Variants in CNTNAP5 observed in about 807,000 individuals in gnomAD.
CNTNAP5 encodes contactin-associated protein-like 5.
A neutral mutation model predicts 150.2 loss-of-function variants in CNTNAP5; 72 were observed. The observed-to-expected ratio is 0.48, with a 90% CI of 0.40 to 0.58. CNTNAP5 has a LOEUF of 0.58. Ranked by LOEUF, CNTNAP5 falls within the 20% of genes least tolerant of loss-of-function variation. The pLI, the probability that CNTNAP5 is intolerant of heterozygous loss-of-function variation, is 0.00. For synonymous variants in CNTNAP5, 672 were observed against 619.8 expected (o/e 1.08, Z -1.25); for missense variants, 1,636 against 1,626.2 (o/e 1.01, Z -0.10).
chr2:124,161,914 G>T (rs1182905734), intron 1 of CNTNAP5, among the ~76,000 whole-genome samples: 1 of 152,172 alleles, frequency 6.6e-6, no homozygotes, highest in Non-Finnish European at 1.5e-5. Flanking sequence ...TAGGTTCAAT[G>T]ATATTTGAGA....
intron 3 of CNTNAP5, among the ~76,000 whole-genome samples, chr2:124,369,703 A>G (rs2104725127): frequency 6.6e-6 from 1 of 152,316 alleles, no homozygotes; most frequent in Non-Finnish European, 1.5e-5. Context: ...TACGGTGTTC[A>G]CTACATGAAA....
At chr2:124,280,960 C>G (rs1278508420) in intron 3 of CNTNAP5, among the ~76,000 whole-genome samples, 1 of 152,050 alleles carries the variant, frequency 6.6e-6, no homozygotes, top group Admixed American at 6.6e-5. Flanking sequence ...AATAGGATAC[C>G]AAGATATTTC....
chr2:124,714,577 T>G (rs2105109266), intron 13 of CNTNAP5, among the ~76,000 whole-genome samples: 1 of 152,224 alleles, frequency 6.6e-6, no homozygotes, highest in South Asian at 2.1e-4. Flanking sequence ...ATGGAAAGCC[T>G]TTGTCTGTTC....
At chr2:124,188,858 A>G (rs915940989) in intron 1 of CNTNAP5, among the ~76,000 whole-genome samples, 3 of 152,166 alleles carry the variant, frequency 2.0e-5, no homozygotes, top group Non-Finnish European at 2.9e-5. Context: ...TGACATTGTC[A>G]TGCTTCAGAC....
At chr2:124,208,964 C>T (rs1014091667) in intron 1 of CNTNAP5, among the ~76,000 whole-genome samples, 2 of 152,068 alleles carry the variant, frequency 1.3e-5, no homozygotes, top group African/African-American at 4.8e-5. Flanking sequence ...ATGACCTCCC[C>T]GTGGGAAACA....
intron 13 of CNTNAP5, among the ~76,000 whole-genome samples, chr2:124,657,831 T>C (rs756843445): frequency 6.6e-6 from 1 of 152,218 alleles, no homozygotes; most frequent in Non-Finnish European, 1.5e-5. Flanking sequence ...GCCTTGTTCC[T>C]CTCTCCATGC....
intron 19 of CNTNAP5, among the ~76,000 whole-genome samples, chr2:124,855,166 GC>G (rs1215442502): frequency 0.015 from 1,197 of 77,442 alleles, 37 homozygotes; most frequent in African/African-American, 0.049. Context: ...TTGGGCTTTT[GC>G]TTTTTTTTTT....
chr2:124,128,626 G>T (rs1396560182), intron 1 of CNTNAP5, among the ~76,000 whole-genome samples: 1 of 152,076 alleles, frequency 6.6e-6, no homozygotes, highest in African/African-American at 2.4e-5. Context: ...GTTTATTGCG[G>T]CACTATTCAC....
intron 19 of CNTNAP5, among the ~76,000 whole-genome samples, chr2:124,830,559 A>G (rs533281508): frequency 1.3e-4 from 20 of 152,184 alleles, no homozygotes; most frequent in African/African-American, 4.3e-4. Flanking sequence ...ACACTATATA[A>G]TAGAGGAATG....
At chr2:124,526,798 A>C (rs1030139937) in intron 9 of CNTNAP5, among the ~76,000 whole-genome samples, 2 of 152,190 alleles carry the variant, frequency 1.3e-5, no homozygotes, top group Non-Finnish European at 2.9e-5. Context: ...TTTCTCAGGA[A>C]CTAAGCCTGT....
chr2:124,504,393 T>C lies in CNTNAP5; in HGVS notation c.1164T>C (p.Asp388=), dbSNP rs770697000. ...YLLLPGTPQI[D]GLSVSFQFRT... is the part of the protein sequence containing the mutation. ...TGCTGCCCGGCACCCCCCAAATTGA[T>C]GGGCTCTCAGTGAGTTTCCAGTTTC... Residue 388 remains aspartate, a synonymous_variant, in exon 8 of 24, where the codon GAT becomes GAC. Coordinates refer to ENST00000682447, the MANE Select transcript of CNTNAP5 (RefSeq NM_001367498.1). 23 of 1,613,848 alleles carry C rather than the reference T, an allele frequency of 1.4e-5. No homozygotes were observed. The highest frequency in any genetic ancestry group is 1.9e-5 in the Non-Finnish European group (23 of 1,179,876).
At chr2:124,893,214 C>T (rs1005453523) in intron 21 of CNTNAP5, among the ~76,000 whole-genome samples, 2 of 152,066 alleles carry the variant, frequency 1.3e-5, no homozygotes, top group African/African-American at 4.8e-5. Context: ...ATTTTGGGCA[C>T]CTTATTTAAT....
chr2:124,894,447 G>A (rs1359686398), intron 21 of CNTNAP5, among the ~76,000 whole-genome samples: 1 of 151,384 alleles, frequency 6.6e-6, no homozygotes, highest in African/African-American at 2.5e-5. Flanking sequence ...TCCACATCAA[G>A]TAAATAATGA....
At chr2:124,264,273 T>C (rs780304082) in intron 3 of CNTNAP5, among the ~76,000 whole-genome samples, 13 of 152,024 alleles carry the variant, frequency 8.6e-5, no homozygotes, top group African/African-American at 3.1e-4. Context: ...CAAGAACAAA[T>C]GGCCACTTCC....
intron 3 of CNTNAP5, among the ~76,000 whole-genome samples, chr2:124,413,823 T>C (rs1691842262): frequency 1.4e-5 from 2 of 138,198 alleles, no homozygotes; most frequent in Admixed American, 7.5e-5. Context: ...ATGGCACATG[T>C]ATACATATGT....
chr2:124,539,664 G>T (rs531578989), intron 10 of CNTNAP5, among the ~76,000 whole-genome samples: 2 of 152,180 alleles, frequency 1.3e-5, no homozygotes, highest in South Asian at 4.1e-4. Flanking sequence ...TTTTGGCAAG[G>T]ATTGACTGAG....
intron 1 of CNTNAP5, among the ~76,000 whole-genome samples, chr2:124,053,796 G>C (rs182089166): frequency 5.2e-4 from 79 of 152,114 alleles, no homozygotes; most frequent in African/African-American, 1.9e-3. Context: ...TAGGAGATTT[G>C]GGGCAATATA....
At chr2:124,758,613 G>A (rs770994585) in intron 14 of CNTNAP5, among the ~76,000 whole-genome samples, 2 of 151,998 alleles carry the variant, frequency 1.3e-5, no homozygotes, top group Non-Finnish European at 2.9e-5. Flanking sequence ...AGGTTGAGGA[G>A]GAAAAGGGTG....
At chr2:124,127,270 C>G (rs1431866532) in intron 1 of CNTNAP5, among the ~76,000 whole-genome samples, 1 of 151,972 alleles carries the variant, frequency 6.6e-6, no homozygotes, top group Non-Finnish European at 1.5e-5. Flanking sequence ...CAATAACAGA[C>G]AAACAGAGAG....
Sources: gnomAD v4.1 joint callset for allele counts (sites outside exome capture counted in the v4.1 genomes callset) on GRCh38, gnomAD v4.1.1 for gene constraint, MANE v1.5 for transcripts, NCBI Gene and HGNC (gene_info 2026-07-23, HGNC 2026-07-21) for gene names.